MTHFD2L: variants seen among roughly 807,000 people sequenced by gnomAD.
MTHFD2L encodes the protein bifunctional methylenetetrahydrofolate dehydrogenase/cyclohydrolase 2, mitochondrial.
A neutral mutation model predicts 34.9 loss-of-function variants in MTHFD2L; 29 were observed. That is an observed-to-expected ratio of 0.83 (90% CI 0.62 to 1.13). MTHFD2L has a LOEUF of 1.13. MTHFD2L is among the 50% of genes most tolerant of loss of function. MTHFD2L has a pLI of 0.00. For synonymous variants in MTHFD2L, 167 were observed against 155.7 expected (o/e 1.07, Z -0.54); for missense variants, 481 against 446.5 (o/e 1.08, Z -0.70).
upstream of MTHFD2L, chr4:74,123,392 C>T (rs1305468912): frequency 1.3e-5 from 2 of 152,140 alleles, no homozygotes; most frequent in Non-Finnish European, 2.9e-5. Flanking sequence ...GCTTTCTTGG[C>T]AGTTGCATGC....
intron 6 of MTHFD2L, among the ~76,000 whole-genome samples, chr4:74,269,123 A>G (rs1002857752): frequency 1.3e-5 from 2 of 152,206 alleles, no homozygotes; most frequent in Non-Finnish European, 2.9e-5. Context: ...TCTTAGATAA[A>G]TCAGAAATCT....
intron 1 of MTHFD2L, among the ~76,000 whole-genome samples, chr4:74,131,481 G>A (rs1722497421): frequency 6.6e-6 from 1 of 152,162 alleles, no homozygotes; most frequent in Non-Finnish European, 1.5e-5. Context: ...AAGCAATAGG[G>A]AAAGGATTCC....
intron 3 of MTHFD2L, among the ~76,000 whole-genome samples, chr4:74,178,876 T>G (rs1467811681): frequency 2.0e-5 from 3 of 152,004 alleles, no homozygotes; most frequent in Admixed American, 6.6e-5. Flanking sequence ...TTCATAGAGT[T>G]GCTAAGTAAC....
Position 74,115,621 on chromosome 4 carries a change from G to A in MTHFD2L, c.-144+964G>A, listed in dbSNP as rs185460801. 2.6e-5 allele frequency among the ~76,000 whole-genome samples: 4 copies of A among 152,362 alleles called. No homozygotes were observed. The East Asian group carries it at 5.8e-4, about 22-fold the overall frequency. Reference sequence around the variant, plus strand: ...AATTAGGAGCCCACTAGCTGTTAATGAAGAGTGCTTTGCTTTCCTTTCAGA... The same window carrying A: ...AATTAGGAGCCCACTAGCTGTTAATAAAGAGTGCTTTGCTTTCCTTTCAGA... On this transcript the variant is annotated intron_variant and NMD_transcript_variant, in intron 2 of 9. Coordinates refer to the MTHFD2L transcript ENST00000429519.
In MTHFD2L at chr4:74,138,569, C is replaced by T. The variant is rs1034839111; in HGVS notation, c.-297+13052C>T. 4.6e-5 allele frequency among the ~76,000 whole-genome samples: 7 copies of T among 151,972 alleles called. No homozygotes were observed. In the East Asian group the frequency reaches 9.7e-4, roughly 21 times the overall value. On this transcript the variant is annotated intron_variant, in intron 1 of 7. Transcript: ENST00000433372. Reference sequence around the variant, plus strand: ...GCACTTAACCATGCAGGAACAATGGCGAGCCTTTAGCCCGATCCAGAGCGG... The same window carrying T: ...GCACTTAACCATGCAGGAACAATGGTGAGCCTTTAGCCCGATCCAGAGCGG...
At chr4:74,159,666 C>T (rs1434370371) in intron 1 of MTHFD2L, among the ~76,000 whole-genome samples, 1 of 152,152 alleles carries the variant, frequency 6.6e-6, no homozygotes, top group East Asian at 1.9e-4. Context: ...GCTTTGTACA[C>T]ACACACCAAC....
At chr4:74,123,385 T>C (rs1438840754), upstream of MTHFD2L, 1 of 152,220 alleles carries the variant, frequency 6.6e-6, no homozygotes, top group Non-Finnish European at 1.5e-5. Context: ...CTCTACTGCT[T>C]TCTTGGCAGT....
chr4:74,142,827 T>C (rs1263561395), intron 1 of MTHFD2L, among the ~76,000 whole-genome samples: 3 of 152,126 alleles, frequency 2.0e-5, no homozygotes, highest in African/African-American at 7.2e-5. Context: ...AATGGGTCAG[T>C]CTTGGACAAA....
At chr4:74,157,971 G>A (rs1173580918), upstream of MTHFD2L, 8 of 1,074,634 alleles carry the variant, frequency 7.4e-6, no homozygotes, top group East Asian at 2.1e-4. Flanking sequence ...TTCCGTCCCC[G>A]GTCCTGGGAA....
chr4:74,119,554 C>G (rs1001538986), upstream of MTHFD2L, among the ~76,000 whole-genome samples: 1 of 152,082 alleles, frequency 6.6e-6, no homozygotes, highest in African/African-American at 2.4e-5. Context: ...GAGGCCGAGG[C>G]GGGCGGATCA....
intron 7 of MTHFD2L, among the ~76,000 whole-genome samples, chr4:74,294,524 TCTTA>T (rs748549477): frequency 2.4e-4 from 36 of 152,226 alleles, no homozygotes; most frequent in Non-Finnish European, 5.0e-4. Flanking sequence ...TCTGTTTTAT[TCTTA>T]CTTAAGTTTT....
At chr4:74,198,612 A>G (rs567331343) in intron 3 of MTHFD2L, among the ~76,000 whole-genome samples, 444 of 152,278 alleles carry the variant, frequency 2.9e-3, no homozygotes, top group Non-Finnish European at 4.8e-3. Flanking sequence ...TTTTTAAAAA[A>G]GAACCAGTAT....
chr4:74,184,560 TAAA>T (rs745694657), intron 3 of MTHFD2L, among the ~76,000 whole-genome samples: 1 of 151,896 alleles, frequency 6.6e-6, no homozygotes, highest in African/African-American at 2.4e-5. Context: ...AATAATCAAA[TAAA>T]AAATTATAGC....
chr4:74,240,619 AAGAT>A (rs1484832704), intron 6 of MTHFD2L, among the ~76,000 whole-genome samples: 6 of 152,208 alleles, frequency 3.9e-5, no homozygotes, highest in African/African-American at 1.2e-4. Context: ...ACAGAAAACA[AAGAT>A]AGAATTAAAA....
chr4:74,158,123 C>T lies in MTHFD2L; in HGVS notation c.-16C>T, dbSNP rs1024220168. The T allele has an allele frequency of 2.0e-6, 3 of 1,530,096 alleles. No individual in the cohort carries two copies. Among genetic ancestry groups the T allele is most frequent in the Non-Finnish European group, 2.6e-6 (3 of 1,141,674 alleles). 94.8% of individuals were successfully genotyped at this position (1,530,096 alleles called of 1,614,324 possible). A position where few individuals can be genotyped will look rare whatever the true frequency, so the allele number is the denominator to read the frequency against. ...GGGAGGTGGAGCCCCAGTCCGGAAG[C>T]CGGGGATCCGCGGCCATGACGGTGC... On this transcript the variant is annotated 5_prime_UTR_variant, in exon 1 of 8. Coordinates refer to ENST00000325278, the MANE Select transcript of MTHFD2L (RefSeq NM_001144978.3).
intron 7 of MTHFD2L, among the ~76,000 whole-genome samples, chr4:74,297,228 C>A (rs1749740847): frequency 6.6e-6 from 1 of 152,024 alleles, no homozygotes; most frequent in South Asian, 2.1e-4. Flanking sequence ...ATTTCCATGT[C>A]ATCTTCATCT....
At chr4:74,197,263 T>A (rs1733646180) in intron 3 of MTHFD2L, among the ~76,000 whole-genome samples, 1 of 152,210 alleles carries the variant, frequency 6.6e-6, no homozygotes, top group Non-Finnish European at 1.5e-5. Flanking sequence ...CTCACGATTG[T>A]TTTTTCTGTT....
In MTHFD2L at chr4:74,201,313, G is replaced by A. The variant is rs758588163; in HGVS notation, c.655G>A (p.Val219Ile). Residue 219 changes from valine to isoleucine, a missense_variant, in exon 5 of 8, where the codon GTA becomes ATA. Physicochemically the swap from Val to Ile is conservative, Grantham distance 29. Transcript: ENST00000325278. ...NVVVAGRSKN[V>I]GMPIAMLLHT... ...GGTTGTGGCTGGAAGATCCAAGAAC[G>A]TAGGGATGCCTATTGCCATGCTTTT... 39 of 1,613,672 alleles carry A rather than the reference G, an allele frequency of 2.4e-5. No homozygotes were observed. The highest frequency in any genetic ancestry group is 1.6e-4 in the Middle Eastern group (1 of 6,080).
intron 1 of MTHFD2L, among the ~76,000 whole-genome samples, chr4:74,148,964 TA>T (rs1723769796): frequency 1.3e-5 from 2 of 151,916 alleles, no homozygotes; most frequent in African/African-American, 4.8e-5. Flanking sequence ...TGGGAAACAA[TA>T]GCCAAATTTT....
Sources: allele counts gnomAD v4.1 joint callset (sites outside exome capture counted in the v4.1 genomes callset), GRCh38; gene constraint gnomAD v4.1.1; transcripts MANE v1.5; gene names NCBI Gene and HGNC (gene_info 2026-07-23, HGNC 2026-07-21).